LRP6: variants seen among roughly 807,000 people sequenced by gnomAD.
LRP6 encodes LDL receptor related protein 6.
Under a neutral mutation model 184.1 loss-of-function variants are expected in LRP6, and 43 were observed. That is an observed-to-expected ratio of 0.23 (90% confidence interval 0.18 to 0.30). LRP6 has a LOEUF of 0.30. LRP6 is among the 10% of genes least tolerant of loss of function. The pLI, the probability that LRP6 is intolerant of heterozygous loss-of-function variation, is 1.00. For synonymous variants in LRP6, 719 were observed against 684.9 expected, an observed-to-expected ratio of 1.05 and a Z score of -0.78; for missense variants, 1,571 against 2,005.3, an observed-to-expected ratio of 0.78 and a Z score of 4.14.
rs1230839850 is a variant in LRP6 at position 12,225,955 on chromosome 12, G to GT, written c.449+18306dup. Among the ~76,000 whole-genome samples, 3 of 151,760 alleles carry GT rather than the reference G, an allele frequency of 2.0e-5. No homozygotes were observed. The East Asian group carries it at 5.8e-4, about 29-fold the overall frequency. On this transcript the variant is annotated intron_variant, in intron 2 of 22. Transcript: ENST00000261349. ...GAGTTCTTGTAAAGCTATAGTACTG[G>GT]TAAGGTCTGCCCTCAAGAAAATCCA... is the stretch of plus-strand genomic sequence containing the variant.
chr12:12,267,033 G>C lies in LRP6; in HGVS notation c.-298C>G. 2.2e-6 allele frequency: 1 copy of C among 456,058 alleles called. No homozygotes were observed. The highest frequency in any genetic ancestry group is 3.9e-6 in the Non-Finnish European group (1 of 257,886). 28.3% of individuals were successfully genotyped at this position (456,058 alleles called of 1,614,324 possible). ...CATTCAGCCTCTGCCTCGCGCAGCG[G>C]CGCAGGGATACGGTCGGCACCGCCT... is the stretch of plus-strand genomic sequence containing the variant. On this transcript the variant is annotated 5_prime_UTR_variant, in exon 1 of 23. Transcript: ENST00000261349.
chr12:12,160,713 A>C (rs1407952227), intron 10 of LRP6, among the ~76,000 whole-genome samples: 1 of 152,256 alleles, frequency 6.6e-6, no homozygotes, highest in Non-Finnish European at 1.5e-5. Flanking sequence ...TGAAGAGCCC[A>C]AAACACTACA....
At chr12:12,153,691 A>G (rs1046697380) in intron 12 of LRP6, among the ~76,000 whole-genome samples, 2 of 152,198 alleles carry the variant, frequency 1.3e-5, no homozygotes, top group African/African-American at 4.8e-5. Context: ...CCACCCTATC[A>G]AATTTATTAA....
At position 12,131,846 on chromosome 12, in the gene LRP6, G is replaced by C. The variant is rs778018118; in HGVS notation, c.3945C>G (p.Asp1315Glu). The C allele has an allele frequency of 2.5e-6, 4 of 1,614,088 alleles. No individual in the cohort carries two copies. The highest frequency in any genetic ancestry group is 3.4e-6 in the Non-Finnish European group (4 of 1,179,970). The change falls in exon 18 of 23, where the codon GAC becomes GAG. Residue 1315 changes from aspartate to glutamate, a missense_variant. Physicochemically the swap from Asp to Glu is conservative, Grantham distance 45. Around this residue, in one of 4 missense-constraint regions of LRP6, gnomAD observed 763 missense variants for 859.5 expected, o/e 0.89. Transcript: ENST00000261349. ...LRCNGDANCQ[D>E]KSDEKNCEVL... ...CTTCACAGTTCTTCTCATCTGATTT[G>C]TCCTGGCAGTTTGCATCTCCATTGC... is the stretch of plus-strand genomic sequence containing the variant.
intron 15 of LRP6, among the ~76,000 whole-genome samples, chr12:12,141,657 G>T (rs1278866396): frequency 6.6e-6 from 1 of 152,132 alleles, no homozygotes; most frequent in East Asian, 1.9e-4. Context: ...AATCCAGACT[G>T]CAGCAAGATG....
At chr12:12,214,756 TC>T (rs1864294631) in intron 2 of LRP6, among the ~76,000 whole-genome samples, 1 of 152,182 alleles carries the variant, frequency 6.6e-6, no homozygotes, top group Non-Finnish European at 1.5e-5. Flanking sequence ...ACCCATTAGT[TC>T]CCTAGATAGG....
intron 1 of LRP6, among the ~76,000 whole-genome samples, chr12:12,246,868 T>C (rs2135922706): frequency 6.6e-6 from 1 of 152,334 alleles, no homozygotes; most frequent in Non-Finnish European, 1.5e-5. Context: ...ATAGATTGTG[T>C]CTGTCAAATA....
In LRP6 at chr12:12,116,925, C is replaced by CCCT. The variant is rs1393908978; in HGVS notation, c.*4200_*4201insAGG. ...AGACGTAGATCAAGTCAGACAATAG[C>CCCT]CTGAGAGTGTGAATTCACAATACTT... On this transcript the variant is annotated 3_prime_UTR_variant, in exon 23 of 23. Coordinates refer to ENST00000261349, the MANE Select transcript of LRP6 (RefSeq NM_002336.3). 6.6e-6 allele frequency: 1 copy of CCCT among 151,884 alleles called. No homozygotes were observed. Among genetic ancestry groups the CCCT allele is most frequent in the Non-Finnish European group, 1.5e-5 (1 of 68,010 alleles). 9.4% of individuals were successfully genotyped at this position (151,884 alleles called of 1,614,324 possible).
intron 19 of LRP6, among the ~76,000 whole-genome samples, chr12:12,128,466 C>G (rs1030845664): frequency 6.6e-5 from 10 of 152,096 alleles, no homozygotes; most frequent in African/African-American, 2.4e-4. Flanking sequence ...TAATGAGCAC[C>G]AAATCTCTCT....
At chr12:12,219,877 A>G (rs1481424141) in intron 2 of LRP6, among the ~76,000 whole-genome samples, 2 of 152,154 alleles carry the variant, frequency 1.3e-5, no homozygotes, top group East Asian at 3.9e-4. Context: ...GAATCAACAA[A>G]AGGAGGAGGA....
intron 2 of LRP6, among the ~76,000 whole-genome samples, chr12:12,222,219 C>T (rs576478264): frequency 6.6e-6 from 1 of 152,228 alleles, no homozygotes; most frequent in African/African-American, 2.4e-5. Flanking sequence ...TATAACCTTT[C>T]AAGCTTTTGG....
chr12:12,126,591 T>C lies in LRP6; in HGVS notation c.4312+100A>G, dbSNP rs1042203293. 1.1e-5 allele frequency: 10 copies of C among 921,786 alleles called. No individual in the cohort carries two copies. In the African/African-American group the frequency reaches 1.1e-4, roughly 11 times the overall value. 57.1% of individuals were successfully genotyped at this position (921,786 alleles called of 1,614,324 possible). A position where few individuals can be genotyped will look rare whatever the true frequency, so the allele number is the denominator to read the frequency against. ...ATAATTGTTTAAACTCAGAGTAATA[T>C]GGTTTCAGACAGACTCTAGGTAGTA... On this transcript the variant is annotated intron_variant, in intron 20 of 22. Coordinates refer to ENST00000261349, the MANE Select transcript of LRP6 (RefSeq NM_002336.3).
intron 1 of LRP6, among the ~76,000 whole-genome samples, chr12:12,263,116 T>C (rs1327483023): frequency 8.5e-6 from 1 of 117,670 alleles, no homozygotes; most frequent in Non-Finnish European, 1.9e-5. Context: ...AAAAAAAAAA[T>C]TAGCTGGGCA....
chr12:12,180,047 G>C (rs186797721), intron 6 of LRP6, 66 bp from the exon 7 acceptor site: 1 of 1,353,556 alleles, frequency 7.4e-7, no homozygotes. Context: ...ATATTCTAAA[G>C]GTGAGATCCA....
chr12:12,190,158 C>G (rs1184092519), intron 3 of LRP6, among the ~76,000 whole-genome samples: 2 of 152,176 alleles, frequency 1.3e-5, no homozygotes, highest in Admixed American at 6.5e-5. Context: ...TTTGTCCAGC[C>G]AACTATGACT....
At position 12,175,523 on chromosome 12, in the gene LRP6, T is replaced by C. The variant is rs956421741; in HGVS notation, c.1545+4287A>G. On this transcript the variant is annotated intron_variant, in intron 7 of 22. Coordinates refer to ENST00000261349, the MANE Select transcript of LRP6 (RefSeq NM_002336.3). ...TAACACAGTGAAACCCCGTCTCTACTAAAAATACAAAAAATTAGCCAAGCG... is the reference window on the plus strand; with the variant it reads ...TAACACAGTGAAACCCCGTCTCTACCAAAAATACAAAAAATTAGCCAAGCG... Among the ~76,000 whole-genome samples the C allele has an allele frequency of 2.0e-5, 3 of 151,490 alleles. No individual in the cohort carries two copies. In the South Asian group the frequency reaches 6.2e-4, roughly 32 times the overall value.
chr12:12,176,104 C>T (rs919104540), intron 7 of LRP6, among the ~76,000 whole-genome samples: 2 of 151,400 alleles, frequency 1.3e-5, no homozygotes, highest in African/African-American at 4.8e-5. Context: ...GAAATAAAGG[C>T]TTTTGATCTT....
intron 20 of LRP6, among the ~76,000 whole-genome samples, chr12:12,126,158 C>G (rs973724939): frequency 1.3e-5 from 2 of 152,196 alleles, no homozygotes; most frequent in Non-Finnish European, 2.9e-5. Context: ...ACACGGCCTA[C>G]CCAAGCTTAA....
rs961867963 is a variant in LRP6, at chr12:12,119,699, G to A, written c.*1427C>T. The A allele has an allele frequency of 7.2e-5, 11 of 152,122 alleles. No homozygotes were observed. The highest frequency in any genetic ancestry group is 6.8e-3 in the Middle Eastern group (2 of 294). 9.4% of individuals were successfully genotyped at this position (152,122 alleles called of 1,614,324 possible). On this transcript the variant is annotated 3_prime_UTR_variant, in exon 23 of 23. Coordinates refer to ENST00000261349, the MANE Select transcript of LRP6 (RefSeq NM_002336.3). ...GTTAAACTATCTTAATCCATAATGG[G>A]TAAGAGAGGACCCACATAAAAATAT... is the stretch of plus-strand genomic sequence containing the variant.
Sources: allele counts gnomAD v4.1 joint callset (sites outside exome capture counted in the v4.1 genomes callset), GRCh38; gene constraint gnomAD v4.1.1; regional missense constraint gnomAD v4.1.1; transcripts MANE v1.5; gene names NCBI Gene and HGNC (gene_info 2026-07-23, HGNC 2026-07-21).